The following TENM4 variants were observed in gnomAD, a reference collection of about 807,000 sequenced individuals.
TENM4 encodes teneurin transmembrane protein 4, also known as teneurin-4.
A neutral mutation model predicts 243.3 loss-of-function variants in TENM4; 82 were observed. The ratio of observed to expected loss-of-function variants is 0.34; its 90% CI spans 0.28 to 0.40. TENM4 has a LOEUF of 0.40. Ranked by LOEUF, TENM4 falls within the 10% of genes least tolerant of loss-of-function variation. The pLI, the probability that TENM4 is intolerant of heterozygous loss-of-function variation, is 1.00. For synonymous variants in TENM4, 1,412 were observed against 1,456.3 expected (o/e 0.97, Z 0.69); for missense variants, 3,138 against 3,673.3 (o/e 0.85, Z 3.77).
chr11:78,993,067 T>C (rs1029361719), intron 6 of TENM4, among the ~76,000 whole-genome samples: 3 of 152,210 alleles, frequency 2.0e-5, no homozygotes, highest in African/African-American at 4.8e-5. Flanking sequence ...ATTTAATTGA[T>C]TGTTGAACAG....
chr11:79,197,430 G>T (rs991338596), intron 3 of TENM4, among the ~76,000 whole-genome samples: 3 of 151,962 alleles, frequency 2.0e-5, no homozygotes, highest in African/African-American at 7.3e-5. Flanking sequence ...TTGCCGGAGA[G>T]GTACCTTGTT....
At chr11:79,391,128 G>T (rs539597438) in intron 1 of TENM4, among the ~76,000 whole-genome samples, 1 of 152,304 alleles carries the variant, frequency 6.6e-6, no homozygotes. Flanking sequence ...TCTAAAAATA[G>T]TTGCCACCTG....
chr11:78,715,604 G>A (rs1435606471), intron 25 of TENM4, among the ~76,000 whole-genome samples: 1 of 152,204 alleles, frequency 6.6e-6, no homozygotes, highest in Admixed American at 6.5e-5. Context: ...TCTGAGGTCT[G>A]CTGGTAAGTT....
chr11:79,188,733 G>A (rs1863421659), intron 3 of TENM4, among the ~76,000 whole-genome samples: 1 of 152,038 alleles, frequency 6.6e-6, no homozygotes, highest in South Asian at 2.1e-4. Context: ...GTAGAAAAGG[G>A]AGGAGGGGAT....
At chr11:78,910,087 C>T (rs956556358) in intron 6 of TENM4, among the ~76,000 whole-genome samples, 2 of 152,150 alleles carry the variant, frequency 1.3e-5, no homozygotes, top group Non-Finnish European at 2.9e-5. Flanking sequence ...CATAAACTTC[C>T]AGAGCTTTGG....
rs1204521710 is a variant in TENM4 at position 78,974,097 on chromosome 11, A to T, written c.494-70574T>A. Among the ~76,000 whole-genome samples the T allele has an allele frequency of 3.3e-5, 5 of 152,300 alleles. No individual in the cohort carries two copies. The East Asian group carries it at 9.7e-4, about 30-fold the overall frequency. On this transcript the variant is annotated intron_variant, in intron 6 of 33. Transcript: ENST00000278550. ...CAGGGGCCAGGTTAAAGATGTGCAA[A>T]TACTGCAAACTAAAGGTCAGGATGC...
At chr11:78,979,580 G>T (rs1437162868) in intron 6 of TENM4, among the ~76,000 whole-genome samples, 1 of 152,210 alleles carries the variant, frequency 6.6e-6, no homozygotes, top group African/African-American at 2.4e-5. Context: ...GTACATGCAT[G>T]TGTGTCTACA....
intron 6 of TENM4, among the ~76,000 whole-genome samples, chr11:78,996,879 G>T (rs1320443512): frequency 1.3e-5 from 2 of 152,198 alleles, no homozygotes; most frequent in African/African-American, 2.4e-5. Flanking sequence ...CCGGGGCATG[G>T]TTCCACCTTC....
intron 1 of TENM4, among the ~76,000 whole-genome samples, chr11:79,436,849 T>G (rs986260852): frequency 6.6e-6 from 1 of 152,110 alleles, no homozygotes; most frequent in Non-Finnish European, 1.5e-5. Context: ...CCCTGATCCC[T>G]TCCCCCACCA....
At position 78,826,367 on chromosome 11, in the gene TENM4, G is replaced by A. The variant is rs537424864; in HGVS notation, c.1682-11972C>T. On this transcript the variant is annotated intron_variant, in intron 12 of 33. Coordinates refer to ENST00000278550, the MANE Select transcript of TENM4 (RefSeq NM_001098816.3). ...CTCCCAAAGTGTTGGGATTACAGGTGTGAGCCACCATGCTCGGCCGGTCTC... is the reference window on the plus strand; with the variant it reads ...CTCCCAAAGTGTTGGGATTACAGGTATGAGCCACCATGCTCGGCCGGTCTC... Among the ~76,000 whole-genome samples the A allele has an allele frequency of 7.9e-5, 12 of 152,202 alleles. No individual in the cohort carries two copies. The East Asian group carries it at 2.3e-3, about 29-fold the overall frequency.
intron 4 of TENM4, among the ~76,000 whole-genome samples, chr11:79,120,664 A>G (rs1480498869): frequency 6.6e-6 from 1 of 152,252 alleles, no homozygotes; most frequent in Non-Finnish European, 1.5e-5. Context: ...TTGTCATTAC[A>G]TATTTTCCCA....
intron 3 of TENM4, among the ~76,000 whole-genome samples, chr11:79,210,643 C>T (rs1045847856): frequency 3.3e-5 from 5 of 152,090 alleles, no homozygotes; most frequent in Admixed American, 3.3e-4. Context: ...CCTGGGGAGC[C>T]CGGAGGGGAG....
At chr11:79,344,171 A>G (rs965425408) in intron 1 of TENM4, among the ~76,000 whole-genome samples, 2 of 152,216 alleles carry the variant, frequency 1.3e-5, no homozygotes, top group East Asian at 3.8e-4. Flanking sequence ...GAATAAATGA[A>G]TGAGCATATG....
chr11:78,913,604 TG>T (rs1856245225), intron 6 of TENM4, among the ~76,000 whole-genome samples: 1 of 150,900 alleles, frequency 6.6e-6, no homozygotes, highest in East Asian at 1.9e-4. Flanking sequence ...TGTGTGTGTG[TG>T]TGTGTGTGTG....
intron 12 of TENM4, among the ~76,000 whole-genome samples, chr11:78,840,139 A>G (rs1251783749): frequency 6.6e-6 from 1 of 152,220 alleles, no homozygotes; most frequent in Admixed American, 6.5e-5. Flanking sequence ...AGATAATGGT[A>G]GAACAATCTC....
intron 1 of TENM4, among the ~76,000 whole-genome samples, chr11:79,341,920 C>T (rs1359033938): frequency 6.6e-6 from 1 of 152,168 alleles, no homozygotes; most frequent in African/African-American, 2.4e-5. Context: ...CCCTAAGCCT[C>T]AATTTCTTCA....
At chr11:79,156,111 T>G (rs1006254320) in intron 3 of TENM4, among the ~76,000 whole-genome samples, 5 of 152,274 alleles carry the variant, frequency 3.3e-5, no homozygotes, top group Admixed American at 6.5e-5. Flanking sequence ...GAAGGCACAC[T>G]GTGTTCTCCT....
chr11:78,880,701 G>T (rs543341315), intron 9 of TENM4, among the ~76,000 whole-genome samples: 2 of 152,302 alleles, frequency 1.3e-5, no homozygotes, highest in African/African-American at 2.4e-5. Flanking sequence ...TGTTTCTGTT[G>T]TTTGCCCCAG....
At chr11:78,783,595 G>A (rs769556726) in intron 16 of TENM4, among the ~76,000 whole-genome samples, 4 of 152,180 alleles carry the variant, frequency 2.6e-5, no homozygotes, top group Non-Finnish European at 2.9e-5. Context: ...AGGCAACTGC[G>A]TGGTCTGGCC....
Sources: allele counts gnomAD v4.1 joint callset (sites outside exome capture counted in the v4.1 genomes callset), GRCh38; gene constraint gnomAD v4.1.1; transcripts MANE v1.5; gene names NCBI Gene and HGNC (gene_info 2026-07-23, HGNC 2026-07-21).